MAST4: variants seen among roughly 807,000 people sequenced by gnomAD.
The protein encoded by MAST4 is microtubule-associated serine/threonine-protein kinase 4.
Under a neutral mutation model 162.7 loss-of-function variants are expected in MAST4, and 89 were observed. That is an observed-to-expected ratio of 0.55 (90% CI 0.46 to 0.65). MAST4 has a LOEUF of 0.65. MAST4 is among the 30% of genes least tolerant of loss of function. The pLI is 0.00. For missense variants in MAST4, 3,153 were observed against 3,374.0 expected (o/e 0.93, Z 1.62); for synonymous variants, 1,479 against 1,361.1 (o/e 1.09, Z -1.91).
At position 67,165,778 on chromosome 5, in the gene MAST4, C is replaced by T. The variant is rs986498579; in HGVS notation, c.6599C>T (p.Pro2200Leu). ...CACAAGCCCCGGCCTGGCCCTGACC[C>T]GGGCCCTCCAAAGACTAAGCACCCC... ...SSHKPRPGPD[P>L]GPPKTKHPDR... Residue 2200 changes from proline (P) to leucine (L), a missense_variant, in exon 29 of 29, where the codon CCG (proline) becomes CTG (leucine). Physicochemically the swap from Pro to Leu is moderately conservative, Grantham distance 98. Around this residue, in one of 7 missense-constraint regions of MAST4, gnomAD observed 1,644 missense variants for 1,495.0 expected, o/e 1.10. Coordinates refer to ENST00000403625, the MANE Select transcript of MAST4 (RefSeq NM_001164664.2). 8 of 1,604,034 alleles carry T rather than the reference C, an allele frequency of 5.0e-6. No homozygotes were observed. Among genetic ancestry groups the T allele is most frequent in the Admixed American group, 1.7e-5 (1 of 58,290 alleles).
chr5:67,067,549 G>A (rs1433188622), intron 5 of MAST4, among the ~76,000 whole-genome samples: 3 of 152,180 alleles, frequency 2.0e-5, no homozygotes, highest in South Asian at 2.1e-4. Context: ...TTAGGACACA[G>A]GCTTATTGCC....
intron 1 of MAST4, among the ~76,000 whole-genome samples, chr5:66,624,929 G>C (rs1744325991): frequency 6.6e-6 from 1 of 152,188 alleles, no homozygotes; most frequent in Non-Finnish European, 1.5e-5. Context: ...GGAAAACCTT[G>C]ACCTTGGTCT....
Position 66,643,618 on chromosome 5 carries a change from TG to T in MAST4, c.363+46602del, listed in dbSNP as rs532306960. Among the ~76,000 whole-genome samples the T allele has an allele frequency of 6.8e-3, 1,028 of 152,264 alleles. 2 individuals carry two copies. Among genetic ancestry groups the T allele is most frequent in the South Asian group, 0.029 (139 of 4,818 alleles). ...CAGGCTGTATGTTTACATTTCTCTT[TG>T]GTTTCAGCTGTTTTTTTCTATGCCA... On this transcript the variant is annotated intron_variant, in intron 1 of 28. Transcript: ENST00000403625.
intron 1 of MAST4, among the ~76,000 whole-genome samples, chr5:66,629,769 G>T (rs779286702): frequency 6.6e-6 from 1 of 152,190 alleles, no homozygotes; most frequent in Non-Finnish European, 1.5e-5. Flanking sequence ...AGTTGTTATA[G>T]TGTTCAATAA....
chr5:66,665,105 A>C (rs6895185), intron 1 of MAST4, among the ~76,000 whole-genome samples: 2,245 of 152,348 alleles, frequency 0.015, 58 homozygotes, highest in African/African-American at 0.05. Flanking sequence ...AACCGATTAA[A>C]GAGGAATGGG....
intron 1 of MAST4, among the ~76,000 whole-genome samples, chr5:66,646,119 C>T (rs1367319686): frequency 6.6e-6 from 1 of 152,140 alleles, no homozygotes; most frequent in Non-Finnish European, 1.5e-5. Flanking sequence ...CGAATTCCCC[C>T]TCCCCCATCT....
intron 4 of MAST4, among the ~76,000 whole-genome samples, chr5:67,028,592 G>A (rs1561549873): frequency 6.6e-6 from 1 of 152,134 alleles, no homozygotes; most frequent in African/African-American, 2.4e-5. Flanking sequence ...AAGACTGGAT[G>A]ACTAACTGAG....
At chr5:67,109,993 G>T (rs1281713063) in intron 10 of MAST4, 105 bp from the exon 11 acceptor site, 4 of 767,128 alleles carry the variant, frequency 5.2e-6, no homozygotes, top group African/African-American at 3.5e-5. Flanking sequence ...TAAATTACTC[G>T]ATTTTTGAAC....
chr5:66,886,515 T>C (rs1038922739), intron 3 of MAST4, among the ~76,000 whole-genome samples: 8 of 152,094 alleles, frequency 5.3e-5, no homozygotes, highest in Admixed American at 5.2e-4. Flanking sequence ...AAAACTATTT[T>C]ATATCATCAG....
chr5:67,104,902 A>T (rs1342955991), intron 10 of MAST4, among the ~76,000 whole-genome samples: 1 of 152,158 alleles, frequency 6.6e-6, no homozygotes, highest in African/African-American at 2.4e-5. Context: ...GCCTGAGCGT[A>T]TGTGTGTTAT....
intron 5 of MAST4, among the ~76,000 whole-genome samples, chr5:67,070,976 G>A (rs1214501627): frequency 6.6e-6 from 1 of 152,162 alleles, no homozygotes; most frequent in African/African-American, 2.4e-5. Context: ...GGAAATTTAA[G>A]AAACTATACT....
At chr5:67,050,504 C>T (rs968843753) in intron 4 of MAST4, among the ~76,000 whole-genome samples, 1 of 152,208 alleles carries the variant, frequency 6.6e-6, no homozygotes, top group Non-Finnish European at 1.5e-5. Context: ...TCCCATTCTT[C>T]TCGGATTCTG....
At chr5:66,796,268 A>C (rs980177006) in intron 3 of MAST4, among the ~76,000 whole-genome samples, 4 of 152,234 alleles carry the variant, frequency 2.6e-5, no homozygotes, top group Non-Finnish European at 5.9e-5. Context: ...ATTAGTAGGC[A>C]TGTGAAGGGT....
intron 1 of MAST4, among the ~76,000 whole-genome samples, chr5:66,735,519 T>C (rs1561294714): frequency 6.7e-6 from 1 of 149,890 alleles, no homozygotes; most frequent in Non-Finnish European, 1.5e-5. Context: ...TCTAGTGTTA[T>C]ATATTATATG....
chr5:66,665,662 G>C (rs2149466513), intron 1 of MAST4, among the ~76,000 whole-genome samples: 1 of 152,314 alleles, frequency 6.6e-6, no homozygotes, highest in South Asian at 2.1e-4. Flanking sequence ...GAACTACAGA[G>C]TCGTTAAGAC....
At position 67,004,150 on chromosome 5, in the gene MAST4, A is replaced by T. The variant is rs540096749; in HGVS notation, c.675-50254A>T. 6.6e-4 allele frequency among the ~76,000 whole-genome samples: 101 copies of T among 152,080 alleles called. 1 individual carries two copies. The highest frequency in any genetic ancestry group is 2.4e-3 in the African/African-American group (99 of 41,488). On this transcript the variant is annotated intron_variant, in intron 4 of 28. Transcript: ENST00000403625. ...GACGGATCCATTCCGGGCTCCGGGG[A>T]GGGGGAGCGGCGGCCCAGGCTGCGG...
In MAST4 at chr5:66,864,884, A is replaced by G. The variant is rs146345621; in HGVS notation, c.643-35067A>G. Among the ~76,000 whole-genome samples, 685 of 152,314 alleles carry G rather than the reference A, an allele frequency of 4.5e-3. 9 individuals are homozygous for G. Among genetic ancestry groups the G allele is most frequent in the Non-Finnish European group, 4.0e-3 (269 of 68,024 alleles). ...TACTGTGTTACAGCAGCCTTAGCAA[A>G]CTGACACAGATGGCTTAGATGAGGT... On this transcript the variant is annotated intron_variant, in intron 3 of 28. Transcript: ENST00000403625.
intron 1 of MAST4, among the ~76,000 whole-genome samples, chr5:66,599,782 C>T (rs531646066): frequency 5.7e-4 from 87 of 152,044 alleles, no homozygotes; most frequent in African/African-American, 1.5e-3. Context: ...TGTGACAAGG[C>T]GATGTGAGTG....
chr5:66,967,662 A>G (rs796895306), intron 4 of MAST4, among the ~76,000 whole-genome samples: 2 of 150,412 alleles, frequency 1.3e-5, no homozygotes, highest in African/African-American at 4.9e-5. Flanking sequence ...AAGCCCTTCC[A>G]TCTTGAAAAT....
Sources: gnomAD v4.1 joint callset for allele counts (sites outside exome capture counted in the v4.1 genomes callset) on GRCh38, gnomAD v4.1.1 for gene constraint, gnomAD v4.1.1 regional missense constraint, MANE v1.5 for transcripts, NCBI Gene and HGNC (gene_info 2026-07-23, HGNC 2026-07-21) for gene names.